The following PARD6B variants were observed in gnomAD, a reference collection of about 807,000 sequenced individuals.
PARD6B encodes par-6 family cell polarity regulator beta.
Under a neutral mutation model 10.5 loss-of-function variants are expected in PARD6B, and 4 were observed. The ratio of observed to expected loss-of-function variants is 0.38; its 90% CI spans 0.19 to 0.87. The LOEUF (loss-of-function observed/expected upper bound fraction) is 0.87. PARD6B is among the 40% of genes least tolerant of loss of function. PARD6B has a pLI of 0.41. For missense variants in PARD6B, 396 were observed against 470.6 expected (o/e 0.84, Z 1.47); for synonymous variants, 169 against 170.4 (o/e 0.99, Z 0.07).
chr20:50,733,012 G>C (rs1042324971), intron 1 of PARD6B, among the ~76,000 whole-genome samples: 1 of 152,170 alleles, frequency 6.6e-6, no homozygotes, highest in East Asian at 1.9e-4. Flanking sequence ...AAGCTTCCTA[G>C]AGCCTCTAGG....
intron 1 of PARD6B, among the ~76,000 whole-genome samples, chr20:50,736,724 G>A (rs1409780539): frequency 4.7e-5 from 7 of 148,810 alleles, no homozygotes; most frequent in Admixed American, 2.0e-4. Flanking sequence ...TTTTTGAGAC[G>A]GAGTCTTGCT....
rs753815916 is a variant in PARD6B, at chr20:50,749,944, T to C, written c.575T>C (p.Ile192Thr). ...TPHGLEKVPG[I>T]FISRLVPGGL... ...CATGGCTTAGAAAAGGTTCCAGGGA[T>C]CTTTATATCCAGGCTTGTCCCAGGA... is the stretch of plus-strand genomic sequence containing the variant. Residue 192 changes from isoleucine to threonine, a missense_variant, in exon 3 of 3, where the codon ATC (isoleucine) becomes ACC (threonine). Around this residue, in one of 2 missense-constraint regions of PARD6B, gnomAD observed 208 missense variants for 300.9 expected, o/e 0.69. Coordinates refer to ENST00000371610, the MANE Select transcript of PARD6B (RefSeq NM_032521.3). The C allele has an allele frequency of 4.3e-6, 7 of 1,614,180 alleles. No homozygotes were observed. In the Admixed American group the frequency reaches 1.2e-4, roughly 27 times the overall value.
At position 50,752,476 on chromosome 20, in the gene PARD6B, C is replaced by T; in HGVS notation, c.*1988C>T. On this transcript the variant is annotated 3_prime_UTR_variant, in exon 3 of 3. Coordinates refer to ENST00000371610, the MANE Select transcript of PARD6B (RefSeq NM_032521.3). ...GCTATTTATTACTTTCCAATGCATC[C>T]ACTTAGAACAAGCTAAGAGTAAGGC... The T allele has an allele frequency of 2.0e-6, 2 of 985,580 alleles. No homozygotes were observed. The highest frequency in any genetic ancestry group is 1.7e-5 in the African/African-American group (1 of 57,370). 61.1% of individuals were successfully genotyped at this position (985,580 alleles called of 1,614,324 possible).
At chr20:50,747,917 A>G (rs1370408439) in intron 2 of PARD6B, among the ~76,000 whole-genome samples, 1 of 152,220 alleles carries the variant, frequency 6.6e-6, no homozygotes. Context: ...CCAGAGTCCT[A>G]CTACTTCCTA....
chr20:50,749,694 C>T lies in PARD6B; in HGVS notation c.325C>T (p.Leu109=). 1 of 1,610,458 alleles carries T rather than the reference C, an allele frequency of 6.2e-7. No homozygotes were observed. The highest frequency in any genetic ancestry group is 8.5e-7 in the Non-Finnish European group (1 of 1,178,988). Residue 109 remains leucine (L), a synonymous_variant, in exon 3 of 3, where the codon CTA becomes TTA. Coordinates refer to ENST00000371610, the MANE Select transcript of PARD6B (RefSeq NM_032521.3). ...CTACAGTGCCTTTGGTACAGACACG[C>T]TAATAAAGAAGAAGAATGTTTTAAC... ...ADYSAFGTDT[L]IKKKNVLTNV... is the part of the protein sequence containing the mutation.
At position 50,731,723 on chromosome 20, in the gene PARD6B, C is replaced by T. The variant is rs2087471692; in HGVS notation, c.-64C>T. The T allele has an allele frequency of 2.2e-6, 3 of 1,357,760 alleles. No individual in the cohort carries two copies. Among genetic ancestry groups the T allele is most frequent in the Non-Finnish European group, 2.9e-6 (3 of 1,051,250 alleles). 84.1% of individuals were successfully genotyped at this position (1,357,760 alleles called of 1,614,324 possible). A position where few individuals can be genotyped will look rare whatever the true frequency, so the allele number is the denominator to read the frequency against. ...TTTCCGAGATCCCCAGTCGCGCACTCGCTCCCCGCGCTCCTGAGGGGCCGC... is the reference window on the plus strand; with the variant it reads ...TTTCCGAGATCCCCAGTCGCGCACTTGCTCCCCGCGCTCCTGAGGGGCCGC... On this transcript the variant is annotated 5_prime_UTR_variant, in exon 1 of 3. Coordinates refer to ENST00000371610, the MANE Select transcript of PARD6B (RefSeq NM_032521.3).
Position 50,752,345 on chromosome 20 carries a change from AT to A in PARD6B, c.*1859del. 1.0e-6 allele frequency: 1 copy of A among 968,650 alleles called. No individual in the cohort carries two copies. Among genetic ancestry groups the A allele is most frequent in the Non-Finnish European group, 1.2e-6 (1 of 817,292 alleles). The allele number at this position is 968,650 out of a possible 1,614,324, so 60.0% of individuals were successfully genotyped here. Reference sequence around the variant, plus strand: ...ACTTTTTATGCCAAAAAAAAAAAAAATTGGGTTTTCCTTCATGGGATTTCTA... The same window carrying A: ...ACTTTTTATGCCAAAAAAAAAAAAAATGGGTTTTCCTTCATGGGATTTCTA... On this transcript the variant is annotated 3_prime_UTR_variant, in exon 3 of 3. Transcript: ENST00000371610.
chr20:50,736,316 T>C (rs867897348), intron 1 of PARD6B, among the ~76,000 whole-genome samples: 3 of 152,342 alleles, frequency 2.0e-5, no homozygotes, highest in African/African-American at 7.2e-5. Context: ...CTCTACATGA[T>C]GCTTAAGGCT....
Position 50,751,903 on chromosome 20 carries a change from C to T in PARD6B, c.*1415C>T, listed in dbSNP as rs1015991324. ...ATTTTTAGTAGAGATGGAGTTTCAC[C>T]ATGTTGGTCAGGTGGGTCTCAAACT... On this transcript the variant is annotated 3_prime_UTR_variant, in exon 3 of 3. Transcript: ENST00000371610. 9 of 877,172 alleles carry T rather than the reference C, an allele frequency of 1.0e-5. No homozygotes were observed. In the African/African-American group the frequency reaches 1.6e-4, roughly 16 times the overall value. 54.3% of individuals were successfully genotyped at this position (877,172 alleles called of 1,614,324 possible).
intron 1 of PARD6B, among the ~76,000 whole-genome samples, chr20:50,733,088 A>G (rs2087481026): frequency 6.6e-6 from 1 of 152,204 alleles, no homozygotes; most frequent in African/African-American, 2.4e-5. Context: ...TGAGAATCAC[A>G]TCGAGAAAAT....
At chr20:50,735,984 G>A (rs912458641) in intron 1 of PARD6B, among the ~76,000 whole-genome samples, 6 of 152,124 alleles carry the variant, frequency 3.9e-5, no homozygotes, top group African/African-American at 1.4e-4. Flanking sequence ...TGATATGAAG[G>A]GTGTTCCCTG....
chr20:50,732,082 T>C (rs1166129891), intron 1 of PARD6B, among the ~76,000 whole-genome samples: 1 of 152,202 alleles, frequency 6.6e-6, no homozygotes, highest in African/African-American at 2.4e-5. Context: ...AGTCCAGCAT[T>C]TAATCTCATT....
At chr20:50,741,644 A>G (rs2087531201) in intron 2 of PARD6B, among the ~76,000 whole-genome samples, 2 of 150,588 alleles carry the variant, frequency 1.3e-5, no homozygotes, top group African/African-American at 4.9e-5. Context: ...CAAGCTCCAC[A>G]CCATTCTCCT....
intron 1 of PARD6B, among the ~76,000 whole-genome samples, chr20:50,732,596 C>T (rs1249307457): frequency 6.6e-6 from 1 of 152,142 alleles, no homozygotes; most frequent in Non-Finnish European, 1.5e-5. Context: ...TTAGGGAATG[C>T]CTTCCAAAGG....
Position 50,750,162 on chromosome 20 carries a change from TC to T in PARD6B, c.795del (p.Gly266ValfsTer55). On this transcript the variant is annotated frameshift_variant, in exon 3 of 3. Coordinates refer to ENST00000371610, the MANE Select transcript of PARD6B (RefSeq NM_032521.3). LOFTEE classifies it low-confidence loss of function (END_TRUNC). ...GAGGAACAGTCGGACTTCTGGCAGTTCCGGTCAGTCTACTGATAACAGCCTT... is the reference window on the plus strand; with the variant it reads ...GAGGAACAGTCGGACTTCTGGCAGTTCGGTCAGTCTACTGATAACAGCCTT... ...VVRNSRTSGSSGQSTDNSLLG... is the reference protein window; with the variant it reads ...VVRNSRTSGSXGQSTDNSLLG... The T allele has an allele frequency of 6.2e-7, 1 of 1,614,210 alleles. No homozygotes were observed. Among genetic ancestry groups the T allele is most frequent in the Non-Finnish European group, 8.5e-7 (1 of 1,180,036 alleles).
Position 50,750,512 on chromosome 20 carries a change from A to T in PARD6B, c.*24A>T. ...GAAACCGTGGTTTGAATGTTTTCAG[A>T]GTGAGGATGCCATGAGGACTTGTAC... On this transcript the variant is annotated 3_prime_UTR_variant, in exon 3 of 3. Transcript: ENST00000371610. The T allele has an allele frequency of 6.3e-7, 1 of 1,598,508 alleles. No individual in the cohort carries two copies. The highest frequency in any genetic ancestry group is 1.1e-5 in the South Asian group (1 of 89,002).
Position 50,738,194 on chromosome 20 carries a change from T to A in PARD6B, c.289+115T>A, listed in dbSNP as rs2087510721. 4.5e-6 allele frequency: 3 copies of A among 662,660 alleles called. No individual in the cohort carries two copies. In the South Asian group the frequency reaches 7.9e-5, roughly 18 times the overall value. 41.0% of individuals were successfully genotyped at this position (662,660 alleles called of 1,614,324 possible). ...AGTGAATAAACATTTTGTGTGAATC[T>A]TCTTATGTTAACTAACATGTGGGTT... On this transcript the variant is annotated intron_variant, in intron 2 of 2. Coordinates refer to ENST00000371610, the MANE Select transcript of PARD6B (RefSeq NM_032521.3).
intron 1 of PARD6B, among the ~76,000 whole-genome samples, chr20:50,737,241 AG>A (rs1015027273): frequency 6.6e-6 from 1 of 152,242 alleles, no homozygotes; most frequent in African/African-American, 2.4e-5. Context: ...TCTAGGGCCT[AG>A]CACTGTGCCA....
intron 2 of PARD6B, among the ~76,000 whole-genome samples, chr20:50,743,495 T>C (rs931390470): frequency 6.6e-6 from 1 of 152,192 alleles, no homozygotes; most frequent in Non-Finnish European, 1.5e-5. Context: ...CATTATTTTG[T>C]AGGTGTCTTT....
Sources: allele counts gnomAD v4.1 joint callset (sites outside exome capture counted in the v4.1 genomes callset), GRCh38; gene constraint gnomAD v4.1.1; regional missense constraint gnomAD v4.1.1; transcripts MANE v1.5; gene names NCBI Gene and HGNC (gene_info 2026-07-23, HGNC 2026-07-21).